The following C3orf52 variants were observed in gnomAD, a reference collection of about 807,000 sequenced individuals.
The protein encoded by C3orf52 is TPA-induced transmembrane protein.
Under a neutral mutation model 24.8 loss-of-function variants are expected in C3orf52, and 22 were observed. That is an observed-to-expected ratio of 0.89 (90% CI 0.63 to 1.27). C3orf52 has a LOEUF of 1.27. Ranked by LOEUF, C3orf52 falls within the 50% of genes most tolerant of loss-of-function variation. C3orf52 has a pLI of 0.00. For synonymous variants in C3orf52, 93 were observed against 100.2 expected, an observed-to-expected ratio of 0.93 and a Z score of 0.43; for missense variants, 265 against 260.7, an observed-to-expected ratio of 1.02 and a Z score of -0.11.
chr3:112,128,054 C>T (rs1253059077), intron 4 of C3orf52: 5 of 1,613,528 alleles, frequency 3.1e-6, no homozygotes, highest in Non-Finnish European at 4.2e-6. Context: ...ATATGGTGAT[C>T]CCAGCATCTA....
chr3:112,121,354 T>G (rs2074195224), downstream of C3orf52: 1 of 152,198 alleles, frequency 6.6e-6, no homozygotes, highest in South Asian at 2.1e-4. Flanking sequence ...ATCAGCATGG[T>G]TTTTTTCCGT....
At chr3:112,131,399 A>G (rs2074447959), downstream of C3orf52, among the ~76,000 whole-genome samples, 1 of 152,196 alleles carries the variant, frequency 6.6e-6, no homozygotes, top group South Asian at 2.1e-4. Context: ...TATGCTGACT[A>G]GATGATAACT....
downstream of C3orf52, chr3:112,121,824 A>C (rs1367148958): frequency 1.3e-5 from 2 of 152,230 alleles, no homozygotes; most frequent in Admixed American, 1.3e-4. Context: ...GGGAGTCAGC[A>C]CATTTTACAT....
chr3:112,125,962 G>C (rs1385986171), intron 4 of C3orf52, among the ~76,000 whole-genome samples: 1 of 152,104 alleles, frequency 6.6e-6, no homozygotes, highest in African/African-American at 2.4e-5. Context: ...AAACAAACAT[G>C]TGCCCTCACA....
At chr3:112,093,547 G>A in intron 2 of C3orf52, 58 bp downstream of exon 2, 1 of 1,495,936 alleles carries the variant, frequency 6.7e-7, no homozygotes, top group Non-Finnish European at 9.1e-7. Context: ...TAAGGCTTGT[G>A]ACTTACACTG....
At chr3:112,105,823 CAAAAAAA>C (rs761974909) in intron 3 of C3orf52, among the ~76,000 whole-genome samples, 99 of 83,392 alleles carry the variant, frequency 1.2e-3, no homozygotes, top group African/African-American at 4.2e-3. Flanking sequence ...ACTTAGTCTC[CAAAAAAA>C]AAAAAAAAAA....
Position 112,117,012 on chromosome 3 carries a change from G to A in C3orf52, c.*366G>A, listed in dbSNP as rs1438825832. 4.0e-6 allele frequency: 5 copies of A among 1,263,570 alleles called. No individual in the cohort carries two copies. Among genetic ancestry groups the A allele is most frequent in the African/African-American group, 3.0e-5 (2 of 67,478 alleles). 78.3% of individuals were successfully genotyped at this position (1,263,570 alleles called of 1,614,324 possible). A position where few individuals can be genotyped will look rare whatever the true frequency, so the allele number is the denominator to read the frequency against. ...TCTGTCGCTTAGCTGGAGTGCGGTG[G>A]CGTGATCATGGCACTGCTATTCTTG... is the stretch of plus-strand genomic sequence containing the variant. On this transcript the variant is annotated 3_prime_UTR_variant, in exon 6 of 6. Transcript: ENST00000264848.
At position 112,112,952 on chromosome 3, in the gene C3orf52, A is replaced by G; in HGVS notation, c.468-12A>G. On this transcript the variant is annotated splice_polypyrimidine_tract_variant and intron_variant, in intron 4 of 5. Transcript: ENST00000264848. ...TGCTGTTTATGTTTTAATGTCTTCC[A>G]TTGCCTTTCAGTGGTGAAAATGCCA... 6.2e-7 allele frequency: 1 copy of G among 1,600,626 alleles called. No homozygotes were observed. Among genetic ancestry groups the G allele is most frequent in the Non-Finnish European group, 8.5e-7 (1 of 1,172,196 alleles).
intron 4 of C3orf52, among the ~76,000 whole-genome samples, chr3:112,124,513 G>A (rs767593194): frequency 2.6e-5 from 4 of 152,144 alleles, no homozygotes; most frequent in African/African-American, 7.2e-5. Flanking sequence ...GGAGGCTGAG[G>A]CTGAGAATCG....
At chr3:112,132,442 T>G (rs955656670), downstream of C3orf52, among the ~76,000 whole-genome samples, 13 of 152,326 alleles carry the variant, frequency 8.5e-5, no homozygotes, top group Admixed American at 3.3e-4. Context: ...AGGAAGATGA[T>G]GGTCAGAAAA....
At chr3:112,131,999 C>T (rs531336863), downstream of C3orf52, among the ~76,000 whole-genome samples, 6 of 151,604 alleles carry the variant, frequency 4.0e-5, no homozygotes, top group South Asian at 4.2e-4. Flanking sequence ...ATTCAGTGCA[C>T]GTGATATGCC....
chr3:112,124,708 G>A (rs1274540775), intron 4 of C3orf52, among the ~76,000 whole-genome samples: 1 of 152,172 alleles, frequency 6.6e-6, no homozygotes, highest in Non-Finnish European at 1.5e-5. Context: ...TTATTAAATA[G>A]GGAAGCGACT....
At chr3:112,103,131 CAT>C (rs1307457937) in intron 3 of C3orf52, among the ~76,000 whole-genome samples, 166 bp downstream of exon 3, 4 of 152,258 alleles carry the variant, frequency 2.6e-5, no homozygotes, top group South Asian at 2.1e-4. Flanking sequence ...CCAAATACCA[CAT>C]GTTCTCACTT....
intron 4 of C3orf52, among the ~76,000 whole-genome samples, chr3:112,125,435 T>G (rs775741795): frequency 6.6e-6 from 1 of 152,192 alleles, no homozygotes; most frequent in Non-Finnish European, 1.5e-5. Context: ...AAGTCACAGC[T>G]AGAGCTGTGC....
intron 2 of C3orf52, among the ~76,000 whole-genome samples, chr3:112,098,567 T>C (rs575139071): frequency 1.1e-4 from 17 of 152,204 alleles, no homozygotes; most frequent in Non-Finnish European, 2.1e-4. Context: ...ATCATCTCAA[T>C]TATTATACAT....
chr3:112,102,889 A>G lies in C3orf52; in HGVS notation c.320A>G (p.Lys107Arg), dbSNP rs202233429. Residue 107 changes from lysine (K) to arginine (R), a missense_variant, in exon 3 of 6, where the codon AAA becomes AGA. Physicochemically the swap from Lys to Arg is conservative, Grantham distance 26. Transcript: ENST00000264848. ...GAAATACTTGAATTATCATCAAACA[A>G]AACATTCTTCATCATGCTGAAGATT... is the stretch of plus-strand genomic sequence containing the variant. ...ENEILELSSN[K>R]TFFIMLKIPE... The G allele has an allele frequency of 3.0e-5, 48 of 1,601,612 alleles. No individual in the cohort carries two copies. In the African/African-American group the frequency reaches 5.1e-4, roughly 17 times the overall value.
At chr3:112,111,141 G>A (rs984194739) in intron 4 of C3orf52, among the ~76,000 whole-genome samples, 3 of 152,178 alleles carry the variant, frequency 2.0e-5, no homozygotes, top group Non-Finnish European at 2.9e-5. Flanking sequence ...CCAGGGAGTC[G>A]CAGGTTGCAG....
intron 4 of C3orf52, chr3:112,111,956 C>T (rs1031647419): frequency 9.2e-5 from 14 of 152,186 alleles, no homozygotes; most frequent in African/African-American, 3.1e-4. Context: ...CTTGTAAGAT[C>T]GAAGAGTATC....
At chr3:112,093,242 G>A in intron 1 of C3orf52, 118 bp from the exon 2 acceptor site, 1 of 980,460 alleles carries the variant, frequency 1.0e-6, no homozygotes, top group Non-Finnish European at 1.5e-6. Flanking sequence ...TCAGTAGAGT[G>A]TTGCCCTAAG....
Sources: gnomAD v4.1 joint callset for allele counts (sites outside exome capture counted in the v4.1 genomes callset) on GRCh38, gnomAD v4.1.1 for gene constraint, MANE v1.5 for transcripts, NCBI Gene and HGNC (gene_info 2026-07-23, HGNC 2026-07-21) for gene names.